ANO10: variants seen among roughly 807,000 people sequenced by gnomAD.
The protein encoded by ANO10 is anoctamin-10.
In ANO10, 77 loss-of-function variants were observed where a neutral mutation model predicts 74.7. The ratio of observed to expected loss-of-function variants is 1.03; its 90% confidence interval spans 0.86 to 1.25. The LOEUF (loss-of-function observed/expected upper bound fraction) is 1.25, where lower values mean the gene tolerates loss of function less well. Among genes scored for constraint, ANO10 ranks in the 50% most tolerant of loss-of-function variants. The probability of loss-of-function intolerance (pLI) is 0.00; values close to 1 mark genes in which losing one functional copy is unlikely to be tolerated. For missense variants in ANO10, 721 were observed against 778.1 expected, an observed-to-expected ratio of 0.93 and a Z score of 0.87; for synonymous variants, 279 against 284.9, an observed-to-expected ratio of 0.98 and a Z score of 0.21.
intron 11 of ANO10, among the ~76,000 whole-genome samples, chr3:43,460,225 C>G (rs2075318110): frequency 6.6e-6 from 1 of 152,154 alleles, no homozygotes; most frequent in Admixed American, 6.5e-5. Flanking sequence ...CAGGCTTTGG[C>G]TATGGAAAAA....
intron 12 of ANO10, among the ~76,000 whole-genome samples, chr3:43,425,584 T>C (rs1393220990): frequency 6.6e-6 from 1 of 152,048 alleles, no homozygotes; most frequent in Non-Finnish European, 1.5e-5. Context: ...GCAGGCCTCA[T>C]TATACATTCT....
At chr3:43,423,595 G>A (rs946361043) in intron 12 of ANO10, among the ~76,000 whole-genome samples, 5 of 152,212 alleles carry the variant, frequency 3.3e-5, no homozygotes, top group Non-Finnish European at 7.3e-5. Context: ...ACTGCAGAGG[G>A]CAGGTATACT....
intron 11 of ANO10, among the ~76,000 whole-genome samples, chr3:43,540,610 C>A (rs908499123): frequency 1.3e-5 from 2 of 152,312 alleles, no homozygotes; most frequent in South Asian, 4.1e-4. Context: ...AAGAATACCA[C>A]ACATAAACAG....
chr3:43,401,562 T>C (rs1256786112), intron 12 of ANO10, among the ~76,000 whole-genome samples: 2 of 152,222 alleles, frequency 1.3e-5, no homozygotes, highest in Non-Finnish European at 2.9e-5. Flanking sequence ...GACCAGTGGT[T>C]TCATGGTTCA....
intron 12 of ANO10, among the ~76,000 whole-genome samples, chr3:43,421,575 A>T (rs1218173364): frequency 6.6e-6 from 1 of 152,148 alleles, no homozygotes; most frequent in Non-Finnish European, 1.5e-5. Flanking sequence ...CTGTAATCCC[A>T]GCACTTTAGG....
intron 1 of ANO10, among the ~76,000 whole-genome samples, chr3:43,661,159 G>C (rs1404247311): frequency 6.6e-6 from 1 of 152,142 alleles, no homozygotes; most frequent in Non-Finnish European, 1.5e-5. Flanking sequence ...CAGAGAGAAA[G>C]ATTGGGTTAC....
chr3:43,595,909 CAA>C (rs1244653508), intron 4 of ANO10, among the ~76,000 whole-genome samples: 5 of 152,300 alleles, frequency 3.3e-5, no homozygotes, highest in African/African-American at 4.8e-5. Flanking sequence ...GCAACTTCAG[CAA>C]AGTCTCAGGA....
At chr3:43,690,919 C>A in intron 1 of ANO10, 1 of 1,485,770 alleles carries the variant, frequency 6.7e-7, no homozygotes, top group Non-Finnish European at 8.9e-7. Context: ...TTAAGTGCCG[C>A]GCCAGCCCGG....
At chr3:43,475,602 T>C (rs766327195) in intron 11 of ANO10, among the ~76,000 whole-genome samples, 1 of 151,886 alleles carries the variant, frequency 6.6e-6, no homozygotes, top group Non-Finnish European at 1.5e-5. Context: ...TTTGTTTTTG[T>C]TTTGTTTTGT....
chr3:43,606,127 G>A (rs1216845870), intron 1 of ANO10, among the ~76,000 whole-genome samples: 1 of 152,180 alleles, frequency 6.6e-6, no homozygotes, highest in African/African-American at 2.4e-5. Flanking sequence ...GAAGGATAAC[G>A]ATGTAAAATG....
chr3:43,387,090 T>G (rs181080059), intron 12 of ANO10, among the ~76,000 whole-genome samples: 4 of 152,304 alleles, frequency 2.6e-5, no homozygotes, highest in African/African-American at 9.6e-5. Context: ...CAGAGTGCAC[T>G]TATATGGACC....
chr3:43,491,426 A>C (rs1360649717), intron 11 of ANO10, among the ~76,000 whole-genome samples: 2 of 152,134 alleles, frequency 1.3e-5, no homozygotes, highest in Non-Finnish European at 2.9e-5. Flanking sequence ...CGGCACGAGA[A>C]TCGCTTGAAC....
chr3:43,470,287 C>T (rs1300205027), intron 11 of ANO10, among the ~76,000 whole-genome samples: 1 of 152,216 alleles, frequency 6.6e-6, no homozygotes, highest in Non-Finnish European at 1.5e-5. Flanking sequence ...ACTATAGAGA[C>T]AGTGAAAAGA....
chr3:43,637,980 T>C (rs1022818579), intron 1 of ANO10, among the ~76,000 whole-genome samples: 2 of 152,222 alleles, frequency 1.3e-5, no homozygotes, highest in Admixed American at 6.5e-5. Context: ...AATTGTTTCC[T>C]TCATAAAGCA....
upstream of ANO10, among the ~76,000 whole-genome samples, chr3:43,623,932 A>G (rs1456229052): frequency 6.6e-6 from 1 of 152,172 alleles, no homozygotes; most frequent in Non-Finnish European, 1.5e-5. Context: ...TTGTTTTTAA[A>G]TTGTACTCTT....
chr3:43,465,455 C>G (rs1039626563), intron 11 of ANO10, among the ~76,000 whole-genome samples: 1 of 151,980 alleles, frequency 6.6e-6, no homozygotes, highest in Non-Finnish European at 1.5e-5. Context: ...ATAAAAGGTA[C>G]AGTAAAAATG....
At chr3:43,374,722 C>T (rs1234818470) in intron 12 of ANO10, among the ~76,000 whole-genome samples, 1 of 152,222 alleles carries the variant, frequency 6.6e-6, no homozygotes, top group Non-Finnish European at 1.5e-5. Flanking sequence ...TTTTCTGCTT[C>T]TGCTAAATCT....
chr3:43,532,620 G>A (rs1489101100), intron 11 of ANO10, among the ~76,000 whole-genome samples: 1 of 152,072 alleles, frequency 6.6e-6, no homozygotes, highest in Non-Finnish European at 1.5e-5. Context: ...GAATTTTAAT[G>A]CACGTATAGT....
rs17075670 is a variant in ANO10, at chr3:43,391,334, T to C, written c.1915-24360A>G. Among the ~76,000 whole-genome samples, 148 of 152,336 alleles carry C rather than the reference T, an allele frequency of 9.7e-4. 3 individuals carry two copies. The East Asian group carries it at 0.026, about 27-fold the overall frequency. On this transcript the variant is annotated intron_variant, in intron 12 of 12. Coordinates refer to ENST00000292246, the MANE Select transcript of ANO10 (RefSeq NM_018075.5). ...GCAGAACAATAAAGCTGCAACTGAC[T>C]ATTCTGAGGAAAAAAACATATAAGG...
Sources: gnomAD v4.1 joint callset for allele counts (sites outside exome capture counted in the v4.1 genomes callset) on GRCh38, gnomAD v4.1.1 for gene constraint, MANE v1.5 for transcripts, NCBI Gene and HGNC (gene_info 2026-07-23, HGNC 2026-07-21) for gene names.